ATRN: variants seen among roughly 807,000 people sequenced by gnomAD.
The protein encoded by ATRN is attractin.
Under a neutral mutation model 178.7 loss-of-function variants are expected in ATRN, and 54 were observed. The observed-to-expected ratio is 0.30, with a 90% CI of 0.24 to 0.38. The LOEUF (loss-of-function observed/expected upper bound fraction) is 0.38. Among genes scored for constraint, ATRN ranks in the 10% least tolerant of loss-of-function variants. ATRN has a pLI of 1.00. For synonymous variants in ATRN, 636 were observed against 663.0 expected, an observed-to-expected ratio of 0.96 and a Z score of 0.63; for missense variants, 1,443 against 1,815.1, an observed-to-expected ratio of 0.79 and a Z score of 3.73.
chr20:3,576,691 G>GTCTATCTATCTA (rs879152299), intron 13 of ATRN, among the ~76,000 whole-genome samples, 168 bp from the exon 14 acceptor site: 251 of 55,928 alleles, frequency 4.5e-3, no homozygotes, highest in Middle Eastern at 7.4e-3. Context: ...CTGTCTGTCT[G>GTCTATCTATCTA]TCTGTCTATC....
intron 14 of ATRN, among the ~76,000 whole-genome samples, chr20:3,577,680 CTT>C (rs1456417192): frequency 2.0e-5 from 3 of 152,060 alleles, no homozygotes; most frequent in Admixed American, 6.6e-5. Flanking sequence ...GAGTGGGACT[CTT>C]TTCTATATCT....
intron 1 of ATRN, among the ~76,000 whole-genome samples, chr20:3,511,113 C>T (rs2085120948): frequency 6.6e-6 from 1 of 152,000 alleles, no homozygotes; most frequent in Admixed American, 6.6e-5. Flanking sequence ...TAATGGCATT[C>T]TGAGAATTAA....
At chr20:3,534,218 A>G (rs2085492693) in intron 1 of ATRN, among the ~76,000 whole-genome samples, 1 of 151,822 alleles carries the variant, frequency 6.6e-6, no homozygotes, top group Non-Finnish European at 1.5e-5. Flanking sequence ...GGTGGTGAAC[A>G]GTGAAGAAAT....
chr20:3,623,100 C>CT (rs1276647863), intron 24 of ATRN, among the ~76,000 whole-genome samples: 1 of 152,182 alleles, frequency 6.6e-6, no homozygotes, highest in Admixed American at 6.5e-5. Context: ...GGGGTGGACT[C>CT]TAATCTGTTT....
intron 26 of ATRN, among the ~76,000 whole-genome samples, chr20:3,635,524 A>G (rs1010403524): frequency 6.6e-6 from 1 of 152,290 alleles, no homozygotes; most frequent in South Asian, 2.1e-4. Context: ...TGCTAATGGA[A>G]ATGCTCACGT....
intron 19 of ATRN, among the ~76,000 whole-genome samples, chr20:3,593,414 A>T (rs2086481211): frequency 6.6e-6 from 1 of 152,240 alleles, no homozygotes; most frequent in Admixed American, 6.5e-5. Context: ...TATACATATC[A>T]TCACAAACAC....
chr20:3,525,373 CT>C (rs2085349802), intron 1 of ATRN, among the ~76,000 whole-genome samples: 2 of 152,258 alleles, frequency 1.3e-5, no homozygotes, highest in South Asian at 4.1e-4. Context: ...CCTGAACAGA[CT>C]AATAACGAGT....
chr20:3,610,742 C>CTTTT lies in ATRN; in HGVS notation c.3801+6502_3801+6505dup, dbSNP rs71195847. Among the ~76,000 whole-genome samples, 365 of 65,230 alleles carry CTTTT rather than the reference C, an allele frequency of 5.6e-3. 9 individuals carry two copies. The highest frequency in any genetic ancestry group is 0.014 in the Middle Eastern group (1 of 70). The allele number at this position is 65,230 out of a possible 152,430, so 42.8% of individuals were successfully genotyped here. ...TGCATACCACCATGCCTGGCTAATT[C>CTTTT]TTTTTTTTTTTTTTTTTTTTTTTTT... On this transcript the variant is annotated intron_variant, in intron 24 of 28. Transcript: ENST00000262919.
In ATRN at chr20:3,649,733, T is replaced by C. The variant is rs1335891065; in HGVS notation, c.*2886T>C. On this transcript the variant is annotated 3_prime_UTR_variant, in exon 29 of 29. Transcript: ENST00000262919. ...ATGACCAGTCTTGTCCTGAGAAATG[T>C]TTCTCTTAGTCTTTAAGTTCAAAGA... 1.3e-5 allele frequency: 2 copies of C among 152,232 alleles called. No individual in the cohort carries two copies. Among genetic ancestry groups the C allele is most frequent in the African/African-American group, 4.8e-5 (2 of 41,446 alleles). The allele number at this position is 152,232 out of a possible 1,614,324, so 9.4% of individuals were successfully genotyped here. A position where few individuals can be genotyped will look rare whatever the true frequency, so the allele number is the denominator to read the frequency against.
rs1473035858 is a variant in ATRN, at chr20:3,498,633, C to T, written c.410+27116C>T. ...AAAGGCCTTTGACAAAATTCAACAG[C>T]TCTTCATGCTAAAAACTCTCAGTAA... On this transcript the variant is annotated intron_variant, in intron 1 of 28. Transcript: ENST00000262919. Among the ~76,000 whole-genome samples, 6 of 152,160 alleles carry T rather than the reference C, an allele frequency of 3.9e-5. No homozygotes were observed. The East Asian group carries it at 1.2e-3, about 29-fold the overall frequency.
At chr20:3,585,170 G>C (rs922141885) in intron 18 of ATRN, among the ~76,000 whole-genome samples, 1 of 152,160 alleles carries the variant, frequency 6.6e-6, no homozygotes, top group Non-Finnish European at 1.5e-5. Context: ...GTTGGGAGAG[G>C]CTGGGCTGGT....
intron 1 of ATRN, among the ~76,000 whole-genome samples, chr20:3,474,041 C>A (rs1360681004): frequency 2.0e-5 from 3 of 152,012 alleles, no homozygotes; most frequent in Non-Finnish European, 4.4e-5. Context: ...TGCATGCATG[C>A]TGAGTTTGGG....
intron 1 of ATRN, among the ~76,000 whole-genome samples, chr20:3,492,866 C>T (rs529883543): frequency 4.9e-5 from 6 of 123,602 alleles, no homozygotes; most frequent in Admixed American, 7.8e-5. Flanking sequence ...CGCGCGCGCG[C>T]GTGCGCACGC....
intron 1 of ATRN, among the ~76,000 whole-genome samples, chr20:3,533,962 C>A (rs958318261): frequency 2.0e-5 from 3 of 152,090 alleles, no homozygotes; most frequent in African/African-American, 7.2e-5. Context: ...TGGTCCACAC[C>A]TAATTTTAAT....
intron 1 of ATRN, among the ~76,000 whole-genome samples, chr20:3,502,224 A>G (rs1431361210): frequency 6.6e-6 from 1 of 152,192 alleles, no homozygotes; most frequent in Non-Finnish European, 1.5e-5. Flanking sequence ...CTGAAAATGA[A>G]GAGAGAAAAC....
chr20:3,550,556 C>A (rs2085773695), intron 6 of ATRN, among the ~76,000 whole-genome samples: 1 of 152,198 alleles, frequency 6.6e-6, no homozygotes, highest in Non-Finnish European at 1.5e-5. Context: ...CCTCCAGGTT[C>A]TTTTCTTTCC....
intron 2 of ATRN, among the ~76,000 whole-genome samples, chr20:3,537,490 GT>G (rs35907505): frequency 3.9e-4 from 35 of 89,754 alleles, no homozygotes; most frequent in South Asian, 1.9e-3. Context: ...TTTTTTTCTT[GT>G]TTTTTTTTTT....
chr20:3,644,444 T>C (rs2087092247), intron 28 of ATRN, among the ~76,000 whole-genome samples, 176 bp downstream of exon 28: 1 of 152,336 alleles, frequency 6.6e-6, no homozygotes, highest in South Asian at 2.1e-4. Flanking sequence ...CAAAACTGTT[T>C]TCCCGAGGTC....
Position 3,644,160 on chromosome 20 carries a change from C to T in ATRN, c.4057C>T (p.Pro1353Ser). ...TTTTGTTTTCTTCTGCCAGACTGTTCCCAAACCCATTGCACTGGAGCCGTG... is the reference window on the plus strand; with the variant it reads ...TTTTGTTTTCTTCTGCCAGACTGTTTCCAAACCCATTGCACTGGAGCCGTG... ...DLIGGSIKTV[P>S]KPIALEPCFG... The change falls in exon 28 of 29, where the codon CCC becomes TCC. Residue 1353 changes from proline (P) to serine (S), a missense_variant. Physicochemically the swap from Pro to Ser is moderately conservative, Grantham distance 74. Coordinates refer to ENST00000262919, the MANE Select transcript of ATRN (RefSeq NM_139321.3). The T allele has an allele frequency of 6.2e-7, 1 of 1,613,378 alleles. No homozygotes were observed. Among genetic ancestry groups the T allele is most frequent in the Non-Finnish European group, 8.5e-7 (1 of 1,179,324 alleles).
Sources: gnomAD v4.1 joint callset for allele counts (sites outside exome capture counted in the v4.1 genomes callset) on GRCh38, gnomAD v4.1.1 for gene constraint, MANE v1.5 for transcripts, NCBI Gene and HGNC (gene_info 2026-07-23, HGNC 2026-07-21) for gene names.